Variants in MAP3K9 observed in about 807,000 individuals in gnomAD.
MAP3K9 encodes mixed lineage kinase 1 (tyr and ser/thr specificity).
In MAP3K9, 46 loss-of-function variants were observed where a neutral mutation model predicts 95.8. The observed-to-expected ratio is 0.48, with a 90% CI of 0.38 to 0.61. The LOEUF (loss-of-function observed/expected upper bound fraction) is 0.61. MAP3K9 is among the 20% of genes least tolerant of loss of function. The pLI is 0.00. For synonymous variants in MAP3K9, 533 were observed against 593.8 expected, an observed-to-expected ratio of 0.90 and a Z score of 1.49; for missense variants, 1,296 against 1,474.3, an observed-to-expected ratio of 0.88 and a Z score of 1.98.
chr14:70,760,912 T>A, intron 3 of MAP3K9, 90 bp downstream of exon 3: 1 of 1,412,498 alleles, frequency 7.1e-7, no homozygotes, highest in Non-Finnish European at 9.7e-7. Flanking sequence ...GTGCCTGGGA[T>A]CCTAGGTAAC....
intron 2 of MAP3K9, among the ~76,000 whole-genome samples, chr14:70,770,888 T>G (rs768856240): frequency 6.6e-6 from 1 of 152,164 alleles, no homozygotes; most frequent in Non-Finnish European, 1.5e-5. Context: ...TACTCTCCAG[T>G]AGTTCCTTAG....
chr14:70,772,128 G>A (rs2054539734), intron 2 of MAP3K9, among the ~76,000 whole-genome samples: 1 of 152,198 alleles, frequency 6.6e-6, no homozygotes, highest in South Asian at 2.1e-4. Context: ...GCTGCCTAGA[G>A]ATGGAAGGGA....
chr14:70,800,417 G>A (rs919114444), intron 2 of MAP3K9, among the ~76,000 whole-genome samples: 3 of 151,862 alleles, frequency 2.0e-5, no homozygotes, highest in Admixed American at 2.0e-4. Context: ...AGTAGGGAAG[G>A]CCACTCTAGA....
rs150993424 is a variant in MAP3K9, at chr14:70,738,350, G to A, written c.1739C>T (p.Pro580Leu). The change falls in exon 8 of 12, where the codon CCA becomes CTA. Residue 580 changes from proline (P) to leucine (L), a missense_variant. Pro to Leu is a moderately conservative substitution (Grantham distance 98). Around this residue, in one of 5 missense-constraint regions of MAP3K9, gnomAD observed 377 missense variants for 417.1 expected, o/e 0.90. Coordinates refer to ENST00000554752, the MANE Select transcript of MAP3K9 (RefSeq NM_001284230.2). ...SKTWGRSSVV[P>L]KEEGEEEEKR... The stretch of plus-strand genomic sequence containing the variant: ...CTCCTCCTCCTCCCCTTCCTCCTTT[G>A]GGACGACTGAGCTCCTGCCCCAGGT... The A allele has an allele frequency of 6.2e-5, 100 of 1,613,866 alleles. No individual in the cohort carries two copies. In the African/African-American group the frequency reaches 1.2e-3, roughly 19 times the overall value.
At chr14:70,739,984 G>C in intron 7 of MAP3K9, 58 bp downstream of exon 7, 1 of 1,614,208 alleles carries the variant, frequency 6.2e-7, no homozygotes, top group Non-Finnish European at 8.5e-7. Context: ...GCTGGACAGA[G>C]CAGGGGACAG....
chr14:70,791,787 T>C (rs1360708004), intron 2 of MAP3K9, among the ~76,000 whole-genome samples: 1 of 152,266 alleles, frequency 6.6e-6, no homozygotes, highest in African/African-American at 2.4e-5. Flanking sequence ...TTACATTTTG[T>C]GCCACTTTAT....
At chr14:70,798,921 A>G (rs1294777135) in intron 2 of MAP3K9, among the ~76,000 whole-genome samples, 3 of 152,210 alleles carry the variant, frequency 2.0e-5, no homozygotes, top group East Asian at 3.8e-4. Context: ...CACATGCATC[A>G]TATCTAAAAT....
chr14:70,779,031 A>G (rs558222290), intron 2 of MAP3K9, among the ~76,000 whole-genome samples: 22 of 152,274 alleles, frequency 1.4e-4, no homozygotes, highest in Admixed American at 1.2e-3. Context: ...GAGAATCAGA[A>G]GAAAGACCAC....
intron 2 of MAP3K9, among the ~76,000 whole-genome samples, chr14:70,774,949 A>C (rs12895576): frequency 0.59 from 78,126 of 132,578 alleles, 22,552 homozygotes; most frequent in Middle Eastern, 0.69. Flanking sequence ...GTGCCACTGC[A>C]CTCCAGCCTG....
chr14:70,749,884 T>G (rs1047894400), intron 4 of MAP3K9, 49 bp downstream of exon 4: 1 of 1,611,718 alleles, frequency 6.2e-7, no homozygotes, highest in African/African-American at 1.3e-5. Context: ...ACCCAGTGCT[T>G]ACAAGAGGCA....
At chr14:70,753,092 T>C (rs748310183) in intron 3 of MAP3K9, 3 of 152,294 alleles carry the variant, frequency 2.0e-5, no homozygotes, top group Non-Finnish European at 4.4e-5. Context: ...TTAACAGCTA[T>C]GTGCCTTTAG....
intron 2 of MAP3K9, among the ~76,000 whole-genome samples, chr14:70,786,584 T>A (rs1025655286): frequency 1.3e-5 from 2 of 152,152 alleles, no homozygotes; most frequent in Non-Finnish European, 2.9e-5. Context: ...ATTGTCCCCC[T>A]GGTTCCTCGA....
In MAP3K9 at chr14:70,739,834, G is replaced by C. The variant is rs17108460; in HGVS notation, c.1690+208C>G. ...TCCCTTTGCTGATATGTGACTAAAAGGTAGAGGGGGCAGTAGTAAAGTTAA... is the reference window on the plus strand; with the variant it reads ...TCCCTTTGCTGATATGTGACTAAAACGTAGAGGGGGCAGTAGTAAAGTTAA... On this transcript the variant is annotated intron_variant, in intron 7 of 11. Transcript: ENST00000554752. The C allele has an allele frequency of 1.4e-3, 2,027 of 1,469,516 alleles. 21 individuals are homozygous for C. In the African/African-American group the frequency reaches 0.022, roughly 16 times the overall value. 91.0% of individuals were successfully genotyped at this position (1,469,516 alleles called of 1,614,324 possible). A position where few individuals can be genotyped will look rare whatever the true frequency, so the allele number is the denominator to read the frequency against.
chr14:70,760,875 G>A, intron 3 of MAP3K9, 127 bp downstream of exon 3: 1 of 910,686 alleles, frequency 1.1e-6, no homozygotes, highest in Non-Finnish European at 1.7e-6. Context: ...GATGACTCTT[G>A]GGGGAGGTCA....
At chr14:70,784,877 A>G (rs186976203) in intron 2 of MAP3K9, among the ~76,000 whole-genome samples, 187 of 152,280 alleles carry the variant, frequency 1.2e-3, no homozygotes, top group Middle Eastern at 3.4e-3. Flanking sequence ...GGTTGGAGAA[A>G]TAAAGGATCC....
chr14:70,728,049 C>G lies in MAP3K9; in HGVS notation c.*2331G>C, dbSNP rs893784037. The G allele has an allele frequency of 2.7e-5, 4 of 148,536 alleles. No homozygotes were observed. Among genetic ancestry groups the G allele is most frequent in the Non-Finnish European group, 5.9e-5 (4 of 67,622 alleles). The allele number at this position is 148,536 out of a possible 1,614,324, so 9.2% of individuals were successfully genotyped here. Reference sequence around the variant, plus strand: ...GCCATTTAGTGGAGCCAAGGATATACAGATGTGCTCATGGTTTAGCCTGAG... The same window carrying G: ...GCCATTTAGTGGAGCCAAGGATATAGAGATGTGCTCATGGTTTAGCCTGAG... On this transcript the variant is annotated 3_prime_UTR_variant, in exon 12 of 12. Coordinates refer to ENST00000554752, the MANE Select transcript of MAP3K9 (RefSeq NM_001284230.2).
intron 5 of MAP3K9, among the ~76,000 whole-genome samples, chr14:70,746,675 AATT>A (rs1356875080): frequency 2.0e-5 from 3 of 152,258 alleles, no homozygotes; most frequent in Non-Finnish European, 4.4e-5. Context: ...TGACACAGAC[AATT>A]ATTATCTCAT....
chr14:70,764,858 A>T (rs1313679008), intron 2 of MAP3K9, among the ~76,000 whole-genome samples: 2 of 152,166 alleles, frequency 1.3e-5, no homozygotes, highest in Non-Finnish European at 2.9e-5. Flanking sequence ...AACAACAAAA[A>T]AAAAGTAAAT....
rs993426270 is a variant in MAP3K9 at position 70,736,166 on chromosome 14, C to T, written c.1845-137G>A. On this transcript the variant is annotated intron_variant, in intron 8 of 11. Coordinates refer to ENST00000554752, the MANE Select transcript of MAP3K9 (RefSeq NM_001284230.2). ...CCACTGTCCAGACACAAAGCCCACA[C>T]CATGAAAGAATCTTAACAAGATGGT... is the stretch of plus-strand genomic sequence containing the variant. The T allele has an allele frequency of 6.2e-5, 43 of 692,178 alleles. 1 individual carries two copies. The Admixed American group carries it at 7.9e-4, about 13-fold the overall frequency. 42.9% of individuals were successfully genotyped at this position (692,178 alleles called of 1,614,324 possible).
Sources: allele counts gnomAD v4.1 joint callset (sites outside exome capture counted in the v4.1 genomes callset), GRCh38; gene constraint gnomAD v4.1.1; regional missense constraint gnomAD v4.1.1; transcripts MANE v1.5; gene names NCBI Gene and HGNC (gene_info 2026-07-23, HGNC 2026-07-21).